The following PLEKHA7 variants were observed in gnomAD, a reference collection of about 807,000 sequenced individuals.
PLEKHA7 encodes the protein pleckstrin homology domain-containing family A member 7.
A neutral mutation model predicts 170.0 loss-of-function variants in PLEKHA7; 104 were observed. The observed-to-expected ratio is 0.61, with a 90% CI of 0.52 to 0.72. The LOEUF is 0.72. Among genes scored for constraint, PLEKHA7 ranks in the 30% least tolerant of loss-of-function variants. The probability of loss-of-function intolerance (pLI) is 0.00; values close to 1 mark genes in which losing one functional copy is unlikely to be tolerated. For missense variants in PLEKHA7, 1,615 were observed against 1,671.7 expected (o/e 0.97, Z 0.59); for synonymous variants, 648 against 660.8 (o/e 0.98, Z 0.30).
intron 9 of PLEKHA7, among the ~76,000 whole-genome samples, chr11:16,827,794 T>C (rs1289577582): frequency 6.7e-6 from 1 of 148,326 alleles, no homozygotes; most frequent in Non-Finnish European, 1.5e-5. Flanking sequence ...GACGTTTACT[T>C]AGATGGGGCA....
chr11:16,939,547 A>C (rs1383568003), intron 3 of PLEKHA7, among the ~76,000 whole-genome samples: 1 of 152,262 alleles, frequency 6.6e-6, no homozygotes, highest in Non-Finnish European at 1.5e-5. Context: ...GAGTCAATTT[A>C]AAGAAAAATA....
At chr11:16,828,386 A>G (rs2135002865) in intron 9 of PLEKHA7, among the ~76,000 whole-genome samples, 1 of 152,196 alleles carries the variant, frequency 6.6e-6, no homozygotes, top group Non-Finnish European at 1.5e-5. Flanking sequence ...CCCTTCCACC[A>G]TGATTGTAAG....
At chr11:16,983,035 A>G (rs1356252436) in intron 3 of PLEKHA7, among the ~76,000 whole-genome samples, 2 of 152,202 alleles carry the variant, frequency 1.3e-5, no homozygotes, top group Non-Finnish European at 2.9e-5. Context: ...GCCTCCTACC[A>G]GATGATCAGG....
intron 12 of PLEKHA7, 61 bp downstream of exon 12, chr11:16,816,117 A>G: frequency 7.1e-7 from 1 of 1,401,216 alleles, no homozygotes; most frequent in East Asian, 2.3e-5. Context: ...GTACTAACTC[A>G]GAGGAAGGAA....
intron 9 of PLEKHA7, among the ~76,000 whole-genome samples, chr11:16,841,200 G>A (rs1224767564): frequency 1.3e-5 from 2 of 152,142 alleles, no homozygotes; most frequent in African/African-American, 2.4e-5. Flanking sequence ...ATCACTCCCA[G>A]GTCAGCTCCC....
rs376393554 is a variant in PLEKHA7 at position 16,949,982 on chromosome 11, C to T, written c.221+64007G>A. ...ATTAGGCCTGTCAACAACCTTTGGA[C>T]TTGGTGAGTAGGAGGCCAAGCAGAT... On this transcript the variant is annotated intron_variant, in intron 3 of 26. Coordinates refer to ENST00000531066, the MANE Select transcript of PLEKHA7 (RefSeq NM_001329630.2). Among the ~76,000 whole-genome samples the T allele has an allele frequency of 6.0e-5, 9 of 149,812 alleles. No homozygotes were observed. The South Asian group carries it at 6.3e-4, about 10-fold the overall frequency.
At chr11:16,908,557 G>C (rs1218782964) in intron 3 of PLEKHA7, among the ~76,000 whole-genome samples, 6 of 151,634 alleles carry the variant, frequency 4.0e-5, no homozygotes, top group Non-Finnish European at 8.8e-5. Context: ...GTGCAGTGGC[G>C]CAAACTCGGC....
intron 3 of PLEKHA7, among the ~76,000 whole-genome samples, chr11:16,874,799 C>A (rs1451543486): frequency 6.6e-6 from 1 of 152,164 alleles, no homozygotes; most frequent in Non-Finnish European, 1.5e-5. Context: ...TTCAGTTCTA[C>A]CATAAGATCA....
chr11:16,821,236 A>G (rs977687151), intron 10 of PLEKHA7, among the ~76,000 whole-genome samples: 1 of 152,184 alleles, frequency 6.6e-6, no homozygotes, highest in African/African-American at 2.4e-5. Flanking sequence ...GATCAATCAC[A>G]CAGGACTTCC....
intron 5 of PLEKHA7, chr11:16,855,587 T>TA: frequency 1.8e-6 from 1 of 564,072 alleles, no homozygotes; most frequent in South Asian, 2.3e-5. Flanking sequence ...CAAGGACCTA[T>TA]AGACACCAGT....
Position 16,786,266 on chromosome 11 carries a change from A to G in PLEKHA7, c.3479T>C (p.Leu1160Pro). Reference sequence around the variant, plus strand: ...GTCCAAGTCATAGTCTTGAGGCTCCAGGTCCAACTCAGTGACAGGCATGGC... The same window carrying G: ...GTCCAAGTCATAGTCTTGAGGCTCCGGGTCCAACTCAGTGACAGGCATGGC... Reference protein sequence around the residue: ...VQAMPVTELDLEPQDYDLDIS... With the variant: ...VQAMPVTELDPEPQDYDLDIS... The change falls in exon 24 of 27, where the codon CTG (leucine) becomes CCG (proline). Residue 1160 changes from leucine (L) to proline (P), a missense_variant. Coordinates refer to ENST00000531066, the MANE Select transcript of PLEKHA7 (RefSeq NM_001329630.2). 3 of 1,536,160 alleles carry G rather than the reference A, an allele frequency of 2.0e-6. No individual in the cohort carries two copies. Among genetic ancestry groups the G allele is most frequent in the Non-Finnish European group, 2.6e-6 (3 of 1,146,906 alleles).
Position 16,841,725 on chromosome 11 carries a change from G to A in PLEKHA7, c.697-3C>T, listed in dbSNP as rs571849679. The A allele has an allele frequency of 4.2e-5, 67 of 1,613,200 alleles. No individual in the cohort carries two copies. The African/African-American group carries it at 4.3e-4, about 10-fold the overall frequency. On this transcript the variant is annotated splice_region_variant and splice_polypyrimidine_tract_variant and intron_variant, in intron 8 of 26. Coordinates refer to ENST00000531066, the MANE Select transcript of PLEKHA7 (RefSeq NM_001329630.2). ...GCTCGCATCCCCGTGTGCACAGCCTGTAGCATGAAGGCAGAATGCAGGTCA... is the reference window on the plus strand; with the variant it reads ...GCTCGCATCCCCGTGTGCACAGCCTATAGCATGAAGGCAGAATGCAGGTCA...
chr11:16,789,666 C>T lies in PLEKHA7; in HGVS notation c.3156+109G>A. On this transcript the variant is annotated intron_variant, in intron 22 of 26. Coordinates refer to ENST00000531066, the MANE Select transcript of PLEKHA7 (RefSeq NM_001329630.2). The surrounding 1 kb of genome is among the most constrained non-coding windows in gnomAD (Gnocchi z 4.6). ...AGCTCAGGAGGGGCTGAGGCCACCC[C>T]AGAGGCCATCCCCAGGGCTGAAGGG... 5.1e-6 allele frequency: 5 copies of T among 989,570 alleles called. No homozygotes were observed. In the South Asian group the frequency reaches 7.9e-5, roughly 16 times the overall value. 61.3% of individuals were successfully genotyped at this position (989,570 alleles called of 1,614,324 possible). A position where few individuals can be genotyped will look rare whatever the true frequency, so the allele number is the denominator to read the frequency against.
At chr11:16,900,899 G>T (rs1232187321) in intron 3 of PLEKHA7, among the ~76,000 whole-genome samples, 1 of 150,522 alleles carries the variant, frequency 6.6e-6, no homozygotes, top group East Asian at 1.9e-4. Context: ...AGGCTGGAGT[G>T]CAGTGGCGCG....
At chr11:16,804,481 T>A (rs1414029535) in intron 13 of PLEKHA7, among the ~76,000 whole-genome samples, 1 of 152,212 alleles carries the variant, frequency 6.6e-6, no homozygotes, top group Non-Finnish European at 1.5e-5. Context: ...AACTGTCCTA[T>A]GCTACCTCTC....
At chr11:16,836,470 G>T (rs540649429) in intron 9 of PLEKHA7, among the ~76,000 whole-genome samples, 24 of 152,338 alleles carry the variant, frequency 1.6e-4, no homozygotes, top group African/African-American at 5.8e-4. Context: ...CTGCCTGTAT[G>T]AATAAAGAGA....
At chr11:16,802,862 A>G in intron 15 of PLEKHA7, 110 bp downstream of exon 15, 1 of 968,320 alleles carries the variant, frequency 1.0e-6, no homozygotes, top group South Asian at 1.4e-5. Flanking sequence ...TTTTTAAATA[A>G]GCTAACATCT....
At chr11:16,858,489 CA>C (rs1268777363) in intron 4 of PLEKHA7, among the ~76,000 whole-genome samples, 1 of 150,082 alleles carries the variant, frequency 6.7e-6, no homozygotes. Flanking sequence ...CAATCTTTAA[CA>C]AATTTTTTTT....
At chr11:16,828,944 C>A (rs1850881642) in intron 9 of PLEKHA7, among the ~76,000 whole-genome samples, 1 of 152,154 alleles carries the variant, frequency 6.6e-6, no homozygotes, top group African/African-American at 2.4e-5. Flanking sequence ...GGCTTAAGCT[C>A]CTACATCTAA....
Sources: gnomAD v4.1 joint callset for allele counts (sites outside exome capture counted in the v4.1 genomes callset) on GRCh38, gnomAD v4.1.1 for gene constraint, Gnocchi (gnomAD v3.1) non-coding constraint, MANE v1.5 for transcripts, NCBI Gene and HGNC (gene_info 2026-07-23, HGNC 2026-07-21) for gene names.